Variants in DOCK5 observed in about 807,000 individuals in gnomAD.
The protein encoded by DOCK5 is dedicator of cytokinesis protein 5.
DOCK5 carries 142 observed loss-of-function variants against 251.8 expected under a neutral mutation model. The observed-to-expected ratio is 0.56, with a 90% CI of 0.49 to 0.65. The LOEUF is 0.65. Among genes scored for constraint, DOCK5 ranks in the 30% least tolerant of loss-of-function variants. The probability of loss-of-function intolerance (pLI) is 0.00; values close to 1 mark genes in which losing one functional copy is unlikely to be tolerated. For missense variants in DOCK5, 2,111 were observed against 2,312.3 expected (o/e 0.91, Z 1.79); for synonymous variants, 842 against 835.5 (o/e 1.01, Z -0.13).
intron 18 of DOCK5, among the ~76,000 whole-genome samples, chr8:25,328,735 G>A (rs965628348): frequency 7.2e-5 from 11 of 152,150 alleles, no homozygotes; most frequent in African/African-American, 2.7e-4. Flanking sequence ...ACCAATTTGT[G>A]TGGGATCATT....
At chr8:25,378,912 G>A (rs1801013986) in intron 38 of DOCK5, among the ~76,000 whole-genome samples, 1 of 152,180 alleles carries the variant, frequency 6.6e-6, no homozygotes, top group Non-Finnish European at 1.5e-5. Context: ...GGGCTGCCGG[G>A]GGCGACATCA....
chr8:25,352,757 A>G (rs935133623), intron 27 of DOCK5, among the ~76,000 whole-genome samples: 1 of 152,234 alleles, frequency 6.6e-6, no homozygotes, highest in Non-Finnish European at 1.5e-5. Context: ...TGAGGAGCTG[A>G]CATTCCAACA....
intron 5 of DOCK5, among the ~76,000 whole-genome samples, chr8:25,279,233 G>C (rs1201018286): frequency 6.6e-6 from 1 of 152,104 alleles, no homozygotes; most frequent in Non-Finnish European, 1.5e-5. Flanking sequence ...CCCAACACTG[G>C]TTTGACCTCA....
chr8:25,346,832 A>G (rs992486007), intron 26 of DOCK5, among the ~76,000 whole-genome samples: 1 of 152,116 alleles, frequency 6.6e-6, no homozygotes, highest in Non-Finnish European at 1.5e-5. Flanking sequence ...TCCAAAAAAA[A>G]AAAAAAGAAA....
rs376169093 is a variant in DOCK5 at position 25,332,689 on chromosome 8, A to G, written c.2088A>G (p.Ala696=). The G allele has an allele frequency of 4.0e-5, 64 of 1,609,520 alleles. No homozygotes were observed. Among genetic ancestry groups the G allele is most frequent in the Non-Finnish European group, 4.8e-5 (56 of 1,177,922 alleles). The change falls in exon 20 of 52, where the codon GCA becomes GCG. Residue 696 remains alanine (A), a synonymous_variant. Transcript: ENST00000276440. The stretch of plus-strand genomic sequence containing the variant: ...CCTATGACTTCCTTGTGTTTGACGC[A>G]CTGGTAAGCAGTTAAACATATTAAC... ...SETYDFLVFD[A]LVFIISLIGD...
intron 2 of DOCK5, among the ~76,000 whole-genome samples, chr8:25,264,008 G>A (rs902374752): frequency 6.6e-6 from 1 of 151,794 alleles, no homozygotes; most frequent in Non-Finnish European, 1.5e-5. Flanking sequence ...TTGAGAATTT[G>A]CCTTTACTCC....
intron 1 of DOCK5, among the ~76,000 whole-genome samples, chr8:25,203,933 C>A (rs1258355056): frequency 6.6e-6 from 1 of 150,592 alleles, no homozygotes; most frequent in African/African-American, 2.5e-5. Flanking sequence ...TGCTCCTCAA[C>A]AAATACAGAT....
rs1007263428 is a variant in DOCK5, at chr8:25,415,666, T to A, written c.*4368T>A. 3.9e-5 allele frequency: 6 copies of A among 152,196 alleles called. No individual in the cohort carries two copies. Among genetic ancestry groups the A allele is most frequent in the African/African-American group, 7.2e-5 (3 of 41,444 alleles). 9.4% of individuals were successfully genotyped at this position (152,196 alleles called of 1,614,324 possible). A position where few individuals can be genotyped will look rare whatever the true frequency, so the allele number is the denominator to read the frequency against. The stretch of plus-strand genomic sequence containing the variant: ...TGAAGTAGGAAAATTTTGTTCAGAT[T>A]TGCTGTTATTTATTTTTTAAATTAA... On this transcript the variant is annotated 3_prime_UTR_variant, in exon 52 of 52. Transcript: ENST00000276440.
At chr8:25,325,259 A>G (rs1051596229) in intron 17 of DOCK5, 105 bp from the exon 18 acceptor site, 2 of 1,214,534 alleles carry the variant, frequency 1.6e-6, no homozygotes, top group East Asian at 2.4e-5. Context: ...GGATAAATTG[A>G]TAAGTCCACG....
At position 25,186,953 on chromosome 8, in the gene DOCK5, A is replaced by G. The variant is rs532953565; in HGVS notation, c.43+2002A>G. ...GATGGCTCACGTCTGTAATCCCAAC[A>G]ATTTGGGTGGCAGAGGCAGGAGGAT... On this transcript the variant is annotated intron_variant, in intron 1 of 51. Transcript: ENST00000276440. Among the ~76,000 whole-genome samples the G allele has an allele frequency of 3.9e-5, 6 of 152,118 alleles. No individual in the cohort carries two copies. In the South Asian group the frequency reaches 1.0e-3, roughly 26 times the overall value.
At chr8:25,242,269 C>T (rs1298419210) in intron 1 of DOCK5, among the ~76,000 whole-genome samples, 2 of 152,162 alleles carry the variant, frequency 1.3e-5, no homozygotes, top group Non-Finnish European at 2.9e-5. Context: ...CCCACCACTG[C>T]AGCTCTGAAC....
chr8:25,357,373 C>CTTTTTT (rs397891518), intron 27 of DOCK5, among the ~76,000 whole-genome samples: 3 of 92,626 alleles, frequency 3.2e-5, no homozygotes, highest in Admixed American at 1.3e-4. Context: ...AAAAAATAAA[C>CTTTTTT]TTTTTTTTTT....
At chr8:25,201,846 G>A (rs1801886718) in intron 1 of DOCK5, among the ~76,000 whole-genome samples, 1 of 152,152 alleles carries the variant, frequency 6.6e-6, no homozygotes, top group South Asian at 2.1e-4. Context: ...TGGCAATCAG[G>A]TGCCTTTGTT....
intron 18 of DOCK5, among the ~76,000 whole-genome samples, chr8:25,326,053 T>G (rs11985073): frequency 1.4e-4 from 21 of 152,316 alleles, no homozygotes; most frequent in African/African-American, 3.8e-4. Flanking sequence ...GCTGAATAGT[T>G]CAAAGAGGGA....
chr8:25,388,394 C>G, intron 40 of DOCK5, among the ~76,000 whole-genome samples: 1 of 152,166 alleles, frequency 6.6e-6, no homozygotes, highest in Middle Eastern at 3.2e-3. Flanking sequence ...CAGGCAACCA[C>G]ACCTGTGAGA....
intron 2 of DOCK5, among the ~76,000 whole-genome samples, chr8:25,249,786 A>G (rs1001703796): frequency 1.3e-5 from 2 of 152,100 alleles, no homozygotes; most frequent in African/African-American, 2.4e-5. Context: ...GGGTCTCGCT[A>G]TGTTACTGAG....
chr8:25,287,916 T>C (rs768639881), intron 5 of DOCK5, among the ~76,000 whole-genome samples: 1 of 151,434 alleles, frequency 6.6e-6, no homozygotes, highest in Non-Finnish European at 1.5e-5. Context: ...ATGGAGTTTC[T>C]TTCTTGTCAC....
intron 1 of DOCK5, among the ~76,000 whole-genome samples, chr8:25,226,991 C>A (rs1802550254): frequency 6.6e-6 from 1 of 152,166 alleles, no homozygotes; most frequent in Non-Finnish European, 1.5e-5. Context: ...ATGTGTGTAC[C>A]ATGATTTATT....
At chr8:25,187,464 C>T (rs1801464499) in intron 1 of DOCK5, among the ~76,000 whole-genome samples, 1 of 151,242 alleles carries the variant, frequency 6.6e-6, no homozygotes, top group Non-Finnish European at 1.5e-5. Flanking sequence ...TAATTCTGAA[C>T]ACTTATTTCA....
Sources: gnomAD v4.1 joint callset for allele counts (sites outside exome capture counted in the v4.1 genomes callset) on GRCh38, gnomAD v4.1.1 for gene constraint, MANE v1.5 for transcripts, NCBI Gene and HGNC (gene_info 2026-07-23, HGNC 2026-07-21) for gene names.